Variants in DENND1A observed in about 807,000 individuals in gnomAD.
DENND1A encodes the protein DENN domain containing 1A, also known as DENN domain-containing protein 1A.
A neutral mutation model predicts 113.7 loss-of-function variants in DENND1A; 51 were observed. That is an observed-to-expected ratio of 0.45 (90% CI 0.36 to 0.57). The LOEUF is 0.57. Ranked by LOEUF, DENND1A falls within the 20% of genes least tolerant of loss-of-function variation. DENND1A has a pLI of 0.00. For missense variants in DENND1A, 1,258 were observed against 1,395.9 expected, an observed-to-expected ratio of 0.90 and a Z score of 1.57; for synonymous variants, 565 against 570.8, an observed-to-expected ratio of 0.99 and a Z score of 0.14.
At chr9:123,500,962 G>GCATAAA in intron 13 of DENND1A, among the ~76,000 whole-genome samples, 1 of 152,208 alleles carries the variant, frequency 6.6e-6, no homozygotes, top group East Asian at 1.9e-4. Flanking sequence ...ATTTACTGCC[G>GCATAAA]ATTATTTTTA....
intron 13 of DENND1A, among the ~76,000 whole-genome samples, chr9:123,521,197 C>T (rs553309927): frequency 2.6e-5 from 4 of 152,220 alleles, no homozygotes; most frequent in South Asian, 4.2e-4. Flanking sequence ...GCCAGTGCAC[C>T]GGGTAAGTTT....
chr9:123,492,721 A>T (rs879840300), intron 13 of DENND1A: 1 of 152,182 alleles, frequency 6.6e-6, no homozygotes, highest in South Asian at 2.1e-4. Flanking sequence ...ACAGTGCGAC[A>T]TGTGATAATG....
At chr9:123,640,927 C>A (rs1275637982) in intron 9 of DENND1A, among the ~76,000 whole-genome samples, 4 of 152,258 alleles carry the variant, frequency 2.6e-5, no homozygotes, top group African/African-American at 9.6e-5. Context: ...CTCCTCCACT[C>A]CTGCTGTCTT....
At chr9:123,531,134 T>C (rs1042023680) in intron 13 of DENND1A, among the ~76,000 whole-genome samples, 4 of 152,196 alleles carry the variant, frequency 2.6e-5, no homozygotes, top group South Asian at 4.1e-4. Context: ...TATTCTGGGT[T>C]AGACTTCCAA....
intron 22 of DENND1A, among the ~76,000 whole-genome samples, chr9:123,387,488 G>A (rs533571537): frequency 1.3e-5 from 2 of 152,310 alleles, no homozygotes; most frequent in African/African-American, 4.8e-5. Context: ...CAATGCTCGC[G>A]TATCACCCTG....
At chr9:123,713,682 A>G (rs558182821) in intron 5 of DENND1A, among the ~76,000 whole-genome samples, 1 of 148,438 alleles carries the variant, frequency 6.7e-6, no homozygotes, top group East Asian at 1.9e-4. Flanking sequence ...ACATTTTAAA[A>G]TAAAGACAAT....
chr9:123,584,165 A>T (rs1282541517), intron 11 of DENND1A, among the ~76,000 whole-genome samples: 1 of 152,226 alleles, frequency 6.6e-6, no homozygotes, highest in Non-Finnish European at 1.5e-5. Flanking sequence ...CTTTTGAGTC[A>T]GAGGCATTAG....
chr9:123,740,858 T>G (rs2068946929), intron 5 of DENND1A, among the ~76,000 whole-genome samples: 1 of 134,908 alleles, frequency 7.4e-6, no homozygotes, highest in African/African-American at 2.9e-5. Context: ...GCGGAAGAAA[T>G]AAATGTTCTA....
chr9:123,634,693 T>C (rs2061625784), intron 9 of DENND1A, among the ~76,000 whole-genome samples: 1 of 152,186 alleles, frequency 6.6e-6, no homozygotes, highest in Admixed American at 6.5e-5. Flanking sequence ...AGTGAGAGAA[T>C]GGAAAGATAG....
chr9:123,513,435 G>A (rs955559607), intron 13 of DENND1A, among the ~76,000 whole-genome samples: 5 of 152,230 alleles, frequency 3.3e-5, no homozygotes, highest in East Asian at 1.9e-4. Context: ...CTACAGAACC[G>A]AGGCACTGGA....
At position 123,583,262 on chromosome 9, in the gene DENND1A, T is replaced by C; in HGVS notation, c.774A>G (p.Arg258=). Reference sequence around the variant, plus strand: ...TCACGACATCATCCAGGGCCATGTTTCTGACTTTCTGCAAGGAGAAAAAAA... The same window carrying C: ...TCACGACATCATCCAGGGCCATGTTCCTGACTTTCTGCAAGGAGAAAAAAA... ...GIHLSLMEKV[R]NMALDDVVIL... The change falls in exon 12 of 24, where the codon AGA becomes AGG. Residue 258 remains arginine, a synonymous_variant. Coordinates refer to ENST00000394215, the MANE Select transcript of DENND1A (RefSeq NM_001352964.2). The C allele has an allele frequency of 6.2e-7, 1 of 1,610,884 alleles. No homozygotes were observed. The highest frequency in any genetic ancestry group is 1.3e-5 in the African/African-American group (1 of 74,884).
intron 2 of DENND1A, among the ~76,000 whole-genome samples, chr9:123,828,882 G>A (rs1158103800): frequency 1.3e-5 from 2 of 152,098 alleles, no homozygotes; most frequent in African/African-American, 2.4e-5. Context: ...CCAAAGATAG[G>A]GATCTCTTCT....
In DENND1A at chr9:123,652,093, C is replaced by T; in HGVS notation, c.538G>A (p.Asp180Asn). ...TACAGATGCAACATGTTGTTAACAT[C>T]CACAGCCACAAAATATTCTGTCAGA... ...RNLTEYFVAVDVNNMLHLYAS... is the reference protein window; with the variant it reads ...RNLTEYFVAVNVNNMLHLYAS... Residue 180 changes from aspartate (D) to asparagine (N), a missense_variant, in exon 9 of 24, where the codon GAT (aspartate) becomes AAT (asparagine). By Grantham distance (23) the Asp-to-Asn change is conservative. Coordinates refer to ENST00000394215, the MANE Select transcript of DENND1A (RefSeq NM_001352964.2). 1 of 1,614,136 alleles carries T rather than the reference C, an allele frequency of 6.2e-7. No individual in the cohort carries two copies. Among genetic ancestry groups the T allele is most frequent in the Non-Finnish European group, 8.5e-7 (1 of 1,180,014 alleles).
chr9:123,574,322 T>C (rs2136435677), intron 12 of DENND1A, among the ~76,000 whole-genome samples: 1 of 152,162 alleles, frequency 6.6e-6, no homozygotes, highest in South Asian at 2.1e-4. Flanking sequence ...TTCTTAAATA[T>C]ATGATAGAAT....
intron 13 of DENND1A, among the ~76,000 whole-genome samples, chr9:123,516,130 AC>A (rs2053882614): frequency 6.8e-6 from 1 of 146,632 alleles, no homozygotes; most frequent in Non-Finnish European, 1.5e-5. Context: ...ACACACACAC[AC>A]ACACACACAC....
intron 1 of DENND1A, among the ~76,000 whole-genome samples, chr9:123,906,405 T>C (rs1372630117): frequency 8.4e-6 from 1 of 119,486 alleles, no homozygotes; most frequent in Admixed American, 7.5e-5. Flanking sequence ...TTCAAAAAAT[T>C]AATGAATCCA....
Position 123,878,979 on chromosome 9 carries a change from G to A in DENND1A, c.60C>T (p.Ala20=), listed in dbSNP as rs768948337. Reference sequence around the variant, plus strand: ...AAAGAGTGCCACCTGTCCTGGGATAGGCCACTTCAACATATACTTCAAATG... The same window carrying A: ...AAAGAGTGCCACCTGTCCTGGGATAAGCCACTTCAACATATACTTCAAATG... ...ETTFEVYVEV[A]YPRTGGTLSD... The change falls in exon 2 of 24, where the codon GCC becomes GCT. Residue 20 remains alanine, a synonymous_variant. Transcript: ENST00000394215. 6.2e-7 allele frequency: 1 copy of A among 1,613,888 alleles called. No homozygotes were observed. Among genetic ancestry groups the A allele is most frequent in the South Asian group, 1.1e-5 (1 of 91,088 alleles).
At chr9:123,622,242 C>T (rs2060999347) in intron 10 of DENND1A, among the ~76,000 whole-genome samples, 1 of 152,178 alleles carries the variant, frequency 6.6e-6, no homozygotes, top group Non-Finnish European at 1.5e-5. Context: ...TCTTGATCTG[C>T]TTTGAAAATA....
At chr9:123,841,253 C>T (rs1375521642) in intron 2 of DENND1A, among the ~76,000 whole-genome samples, 1 of 152,078 alleles carries the variant, frequency 6.6e-6, no homozygotes, top group Non-Finnish European at 1.5e-5. Context: ...TGGATCTATC[C>T]AAGATGATGC....
Sources: gnomAD v4.1 joint callset for allele counts (sites outside exome capture counted in the v4.1 genomes callset) on GRCh38, gnomAD v4.1.1 for gene constraint, MANE v1.5 for transcripts, NCBI Gene and HGNC (gene_info 2026-07-23, HGNC 2026-07-21) for gene names.